Variants in PCDHGB1 observed in about 807,000 individuals in gnomAD.
The protein encoded by PCDHGB1 is protocadherin gamma-B1.
PCDHGB1 carries 34 observed loss-of-function variants against 56.6 expected under a neutral mutation model. That is an observed-to-expected ratio of 0.60 (90% CI 0.46 to 0.80). The LOEUF is 0.80. Ranked by LOEUF, PCDHGB1 falls within the 30% of genes least tolerant of loss-of-function variation. The pLI is 0.00. For synonymous variants in PCDHGB1, 561 were observed against 505.9 expected, an observed-to-expected ratio of 1.11 and a Z score of -1.46; for missense variants, 1,278 against 1,204.6, an observed-to-expected ratio of 1.06 and a Z score of -0.90.
intron 1 of PCDHGB1, among the ~76,000 whole-genome samples, chr5:141,461,838 T>G (rs1592748714): frequency 6.6e-6 from 1 of 151,980 alleles, no homozygotes; most frequent in African/African-American, 2.4e-5. Context: ...TTCTTTTTTT[T>G]TTGAGACAGA....
intron 1 of PCDHGB1, chr5:141,398,475 T>C (rs1201280028): frequency 2.0e-5 from 32 of 1,607,296 alleles, no homozygotes; most frequent in Admixed American, 1.7e-4. Flanking sequence ...CACTGAACTT[T>C]TATCACGTGA....
chr5:141,460,983 G>A (rs12516231), intron 1 of PCDHGB1, among the ~76,000 whole-genome samples: 37,603 of 137,412 alleles, frequency 0.27, 5,103 homozygotes, highest in Admixed American at 0.34. Flanking sequence ...GTGTGTGTGT[G>A]TATATATATA....
intron 1 of PCDHGB1, chr5:141,441,678 G>A (rs952726158): frequency 3.4e-6 from 1 of 292,424 alleles, no homozygotes; most frequent in Non-Finnish European, 6.7e-6. Flanking sequence ...GTGCGCCTTC[G>A]ACCAAGAGCA....
At chr5:141,497,776 C>A (rs1384125562) in intron 2 of PCDHGB1, among the ~76,000 whole-genome samples, 2 of 152,170 alleles carry the variant, frequency 1.3e-5, no homozygotes. Flanking sequence ...CCGACCTCAA[C>A]TGATCCACCT....
At position 141,501,290 on chromosome 5, in the gene PCDHGB1, TACACACACACAC is replaced by T. The variant is rs55762287; in HGVS notation, c.2469-4070_2469-4059del. Among the ~76,000 whole-genome samples, 15 of 136,248 alleles carry T rather than the reference TACACACACACAC, an allele frequency of 1.1e-4. No homozygotes were observed. The South Asian group carries it at 1.2e-3, about 11-fold the overall frequency. The allele number at this position is 136,248 out of a possible 152,430, so 89.4% of individuals were successfully genotyped here. A position where few individuals can be genotyped will look rare whatever the true frequency, so the allele number is the denominator to read the frequency against. ...GTCCAGTCTATGGGATATTCCCTTA[TACACACACACAC>T]ACACACACACACACACACACACACA... On this transcript the variant is annotated intron_variant, in intron 2 of 3. Transcript: ENST00000523390.
chr5:141,493,340 T>C lies in PCDHGB1; in HGVS notation c.2410-1467T>C, dbSNP rs889623993. Among the ~76,000 whole-genome samples, 1 of 152,202 alleles carries C rather than the reference T, an allele frequency of 6.6e-6. No homozygotes were observed. Among genetic ancestry groups the C allele is most frequent in the Admixed American group, 6.5e-5 (1 of 15,288 alleles). Reference sequence around the variant, plus strand: ...TTCTAACCCCTGTCTAACTCCAGAATGTGTGCTTTTAATTTCTTGGCACTT... The same window carrying C: ...TTCTAACCCCTGTCTAACTCCAGAACGTGTGCTTTTAATTTCTTGGCACTT... On this transcript the variant is annotated intron_variant, in intron 1 of 3. Coordinates refer to ENST00000523390, the MANE Select transcript of PCDHGB1 (RefSeq NM_018922.3). The surrounding 1 kb of genome is among the most constrained non-coding windows in gnomAD (Gnocchi z 4.3).
rs372245447 is a variant in PCDHGB1, at chr5:141,489,609, C to T, written c.2410-5198C>T. ...AGCTAATCCGTGTAGAGGTAGAGAT[C>T]CTGGATCTCAATGACAACTCTCCTA... On this transcript the variant is annotated intron_variant, in intron 1 of 3. Coordinates refer to ENST00000523390, the MANE Select transcript of PCDHGB1 (RefSeq NM_018922.3). This position sits in a 1 kb window ranked among gnomAD's most constrained non-coding sequence, Gnocchi z 4.5. The T allele has an allele frequency of 1.9e-6, 3 of 1,613,934 alleles. No homozygotes were observed. The African/African-American group carries it at 4.0e-5, about 22-fold the overall frequency.
chr5:141,459,105 T>C (rs904382532), intron 1 of PCDHGB1, among the ~76,000 whole-genome samples: 7 of 152,208 alleles, frequency 4.6e-5, no homozygotes, highest in Non-Finnish European at 7.4e-5. Flanking sequence ...GCAATGCATT[T>C]TGACAATTGT....
At chr5:141,404,560 C>G in intron 1 of PCDHGB1, 1 of 1,613,578 alleles carries the variant, frequency 6.2e-7, no homozygotes, top group South Asian at 1.1e-5. Context: ...CGGCAAGTGA[C>G]AGTGGAAGCC....
At chr5:141,459,814 T>C (rs757306281) in intron 1 of PCDHGB1, among the ~76,000 whole-genome samples, 1 of 152,256 alleles carries the variant, frequency 6.6e-6, no homozygotes, top group African/African-American at 2.4e-5. Flanking sequence ...CTAGAGACAC[T>C]GAGCAACTTT....
chr5:141,357,393 G>A lies in PCDHGB1; in HGVS notation c.2409+4724G>A, dbSNP rs759583141. On this transcript the variant is annotated intron_variant, in intron 1 of 3. Coordinates refer to ENST00000523390, the MANE Select transcript of PCDHGB1 (RefSeq NM_018922.3). Reference sequence around the variant, plus strand: ...GCCTGCTTCACGCTGAAGGCAGCAGGTTGGCAGGTGTGCCTGCCTCGCACT... The same window carrying A: ...GCCTGCTTCACGCTGAAGGCAGCAGATTGGCAGGTGTGCCTGCCTCGCACT... The A allele has an allele frequency of 6.2e-6, 10 of 1,614,130 alleles. No homozygotes were observed. The African/African-American group carries it at 1.3e-4, about 22-fold the overall frequency.
intron 1 of PCDHGB1, chr5:141,404,091 G>A (rs1404367820): frequency 6.2e-7 from 1 of 1,613,422 alleles, no homozygotes; most frequent in Non-Finnish European, 8.5e-7. Flanking sequence ...GGGAAGAATG[G>A]TCAAGTTGTC....
At chr5:141,361,631 G>A in intron 1 of PCDHGB1, 1 of 1,613,902 alleles carries the variant, frequency 6.2e-7, no homozygotes, top group Non-Finnish European at 8.5e-7. Context: ...CTGAAGCCGC[G>A]GGAGATTTTA....
At chr5:141,395,169 G>A in intron 1 of PCDHGB1, 3 of 1,614,020 alleles carry the variant, frequency 1.9e-6, no homozygotes, top group Non-Finnish European at 2.5e-6. Flanking sequence ...GGAGGGCTGT[G>A]AGAAAAATGA....
chr5:141,509,308 C>G (rs943174290), intron 3 of PCDHGB1, among the ~76,000 whole-genome samples: 6 of 152,152 alleles, frequency 3.9e-5, no homozygotes, highest in African/African-American at 1.4e-4. Flanking sequence ...CAGAGGGAGG[C>G]TGGGAGAGAA....
intron 1 of PCDHGB1, chr5:141,430,853 C>A: frequency 6.3e-7 from 1 of 1,587,214 alleles, no homozygotes; most frequent in Non-Finnish European, 8.6e-7. Flanking sequence ...CACCCAGATA[C>A]GCTATTCAGT....
At chr5:141,365,589 T>C (rs779313790) in intron 1 of PCDHGB1, 12 of 1,613,518 alleles carry the variant, frequency 7.4e-6, no homozygotes, top group Middle Eastern at 1.6e-4. Flanking sequence ...GATTATAATA[T>C]CACTTTAACC....
chr5:141,409,286 C>T (rs1304936825), intron 1 of PCDHGB1: 1 of 1,613,826 alleles, frequency 6.2e-7, no homozygotes, highest in African/African-American at 1.3e-5. Context: ...GAATTCACCT[C>T]CAGGAATGGT....
Position 141,432,026 on chromosome 5 carries a change from A to G in PCDHGB1, c.2410-62781A>G, listed in dbSNP as rs1591124077. On this transcript the variant is annotated intron_variant, in intron 1 of 3. Coordinates refer to ENST00000523390, the MANE Select transcript of PCDHGB1 (RefSeq NM_018922.3). The surrounding 1 kb of genome is among the most constrained non-coding windows in gnomAD (Gnocchi z 6.0). ...GGTTCCTAGCTACAACATCACAGTG[A>G]CCGCCACTGACCGGGGAACCCCGCC... The G allele has an allele frequency of 1.9e-6, 3 of 1,614,152 alleles. 1 individual carries two copies. Among genetic ancestry groups the G allele is most frequent in the Middle Eastern group, 3.3e-4 (2 of 6,062 alleles).
Sources: allele counts gnomAD v4.1 joint callset (sites outside exome capture counted in the v4.1 genomes callset), GRCh38; gene constraint gnomAD v4.1.1; non-coding constraint Gnocchi (gnomAD v3.1); transcripts MANE v1.5; gene names NCBI Gene and HGNC (gene_info 2026-07-23, HGNC 2026-07-21).